BCAP31: variants seen among roughly 807,000 people sequenced by gnomAD.
The protein encoded by BCAP31 is B cell receptor associated protein 31.
For missense variants in BCAP31, 124 were observed against 193.0 expected (o/e 0.64, Z 2.12); for synonymous variants, 75 against 80.9 (o/e 0.93, Z 0.39).
chrX:153,709,600 A>C (rs1431356660), intron 4 of BCAP31, among the ~76,000 whole-genome samples: 2 of 112,592 alleles, frequency 1.8e-5, no homozygotes, highest in Non-Finnish European at 3.8e-5. Flanking sequence ...CGACTGCCGG[A>C]GTCTTCCACA....
chrX:153,711,125 T>C (rs1297784044), intron 4 of BCAP31, among the ~76,000 whole-genome samples: 1 of 107,756 alleles, frequency 9.3e-6, no homozygotes, highest in Non-Finnish European at 1.9e-5. Context: ...CACGATAGTG[T>C]TACTCCATGG....
chrX:153,704,461 T>C (rs781931310), intron 4 of BCAP31, among the ~76,000 whole-genome samples: 2 of 112,400 alleles, frequency 1.8e-5, no homozygotes, highest in South Asian at 7.4e-4. Flanking sequence ...GAGGCTGGGC[T>C]TGCCTTGGTA....
intron 1 of BCAP31, chrX:153,723,510 G>GC: frequency 1.7e-6 from 2 of 1,160,601 alleles, no homozygotes; most frequent in South Asian, 1.9e-5. Context: ...TCAATTACCT[G>GC]CCCCCTCCAG....
chrX:153,714,793 T>G (rs149379677), intron 4 of BCAP31, among the ~76,000 whole-genome samples: 1,241 of 110,905 alleles, frequency 0.011, 5 homozygotes, highest in Non-Finnish European at 0.018. Flanking sequence ...TGGGGTCTTT[T>G]GAGAAGTGAT....
chrX:153,702,183 G>T, intron 6 of BCAP31, 76 bp from the exon 7 acceptor site: 1 of 900,110 alleles, frequency 1.1e-6, no homozygotes, highest in Non-Finnish European at 1.6e-6. Flanking sequence ...GACTGCTACA[G>T]ACACCAGAAA....
Position 153,722,308 on chromosome X carries a change from G to A in BCAP31, c.92+845C>T, listed in dbSNP as rs150506745. On this transcript the variant is annotated intron_variant, in intron 2 of 7. Transcript: ENST00000345046. ...CCGATTTGGCATTCGGTAGATAAAC[G>A]TCTTAAATCCAGCTTATTCTGGAAG... 3.6e-3 allele frequency among the ~76,000 whole-genome samples: 408 copies of A among 112,235 alleles called. 2 individuals carry two copies. The highest frequency in any genetic ancestry group is 0.013 in the African/African-American group (393 of 30,857).
intron 2 of BCAP31, among the ~76,000 whole-genome samples, chrX:153,722,169 G>A (rs1306440138): frequency 2.7e-5 from 3 of 111,795 alleles, no homozygotes; most frequent in Non-Finnish European, 5.6e-5. Flanking sequence ...AGAGACTTCA[G>A]AAGTGTTTAC....
At chrX:153,720,784 G>A in intron 3 of BCAP31, 88 bp downstream of exon 3, 1 of 883,396 alleles carries the variant, frequency 1.1e-6, no homozygotes, top group Non-Finnish European at 1.6e-6. Context: ...AGCCAAAACT[G>A]GATGCTACAC....
chrX:153,710,184 G>C (rs2091581339), intron 4 of BCAP31, among the ~76,000 whole-genome samples: 1 of 111,976 alleles, frequency 8.9e-6, no homozygotes, highest in Non-Finnish European at 1.9e-5. Flanking sequence ...AGAGACTGTG[G>C]GGGAGCCGCG....
At chrX:153,710,739 G>A (rs2091585802) in intron 4 of BCAP31, among the ~76,000 whole-genome samples, 1 of 111,507 alleles carries the variant, frequency 9.0e-6, no homozygotes, top group African/African-American at 3.3e-5. Context: ...GGAGCTCTCA[G>A]GCTAACCTCC....
intron 4 of BCAP31, among the ~76,000 whole-genome samples, chrX:153,713,002 T>G (rs1305434119): frequency 9.0e-6 from 1 of 111,117 alleles, no homozygotes; most frequent in African/African-American, 3.3e-5. Context: ...GCTCAGGAGT[T>G]TGAGACCAGC....
chrX:153,713,962 C>T (rs2091609820), intron 4 of BCAP31, among the ~76,000 whole-genome samples: 1 of 94,488 alleles, frequency 1.1e-5, no homozygotes, highest in Non-Finnish European at 2.1e-5. Flanking sequence ...GCAACCTCTG[C>T]CTCCCGGGTT....
intron 4 of BCAP31, among the ~76,000 whole-genome samples, chrX:153,712,276 G>A (rs2091596837): frequency 9.0e-6 from 1 of 111,105 alleles, no homozygotes. Flanking sequence ...TAAAAAATTA[G>A]CAGCACGTGG....
At chrX:153,710,476 TG>T (rs1342954042) in intron 4 of BCAP31, among the ~76,000 whole-genome samples, 5 of 110,601 alleles carry the variant, frequency 4.5e-5, no homozygotes, top group African/African-American at 1.6e-4. Flanking sequence ...ATGGCCACGA[TG>T]GTTGGGCAGT....
At chrX:153,712,283 G>A (rs1447237161) in intron 4 of BCAP31, among the ~76,000 whole-genome samples, 13 of 111,149 alleles carry the variant, frequency 1.2e-4, no homozygotes, top group Non-Finnish European at 2.5e-4. Flanking sequence ...TTAGCAGCAC[G>A]TGGTGGCACA....
chrX:153,715,358 C>T (rs1169721571), intron 4 of BCAP31, 184 bp downstream of exon 4: 15 of 609,461 alleles, frequency 2.5e-5, no homozygotes, highest in Non-Finnish European at 3.8e-5. Context: ...CTACTCTCCA[C>T]GCTGCCTCTG....
intron 2 of BCAP31, 109 bp from the exon 3 acceptor site, chrX:153,721,081 T>C (rs2148383997): frequency 1.6e-6 from 1 of 631,418 alleles, no homozygotes; most frequent in Non-Finnish European, 2.5e-6. Flanking sequence ...AATGGCCGAA[T>C]AGCCCATGCA....
chrX:153,717,376 A>G (rs1277640814), intron 3 of BCAP31, among the ~76,000 whole-genome samples: 1 of 112,685 alleles, frequency 8.9e-6, no homozygotes, highest in East Asian at 2.8e-4. Context: ...AGATGTACCC[A>G]AAGAATGCTC....
intron 4 of BCAP31, among the ~76,000 whole-genome samples, chrX:153,708,941 A>G (rs2091572112): frequency 8.9e-6 from 1 of 112,083 alleles, no homozygotes; most frequent in Admixed American, 9.4e-5. Context: ...TCAAATGAGA[A>G]CATGACTTGT....
Sources: gnomAD v4.1 joint callset for allele counts (sites outside exome capture counted in the v4.1 genomes callset) on GRCh38, gnomAD v4.1.1 for gene constraint, MANE v1.5 for transcripts, NCBI Gene and HGNC (gene_info 2026-07-23, HGNC 2026-07-21) for gene names.